Variants in TTC7B observed in about 807,000 individuals in gnomAD.
TTC7B encodes the protein tetratricopeptide repeat domain 7B, also known as tetratricopeptide repeat protein 7B.
A neutral mutation model predicts 106.8 loss-of-function variants in TTC7B; 28 were observed. That is an observed-to-expected ratio of 0.26 (90% CI 0.19 to 0.36). The LOEUF (loss-of-function observed/expected upper bound fraction) is 0.36. Among genes scored for constraint, TTC7B ranks in the 10% least tolerant of loss-of-function variants. The probability of loss-of-function intolerance (pLI) is 1.00; values close to 1 mark genes in which losing one functional copy is unlikely to be tolerated. For missense variants in TTC7B, 862 were observed against 1,076.4 expected (o/e 0.80, Z 2.79); for synonymous variants, 405 against 430.6 (o/e 0.94, Z 0.74).
intron 6 of TTC7B, among the ~76,000 whole-genome samples, chr14:90,690,769 A>T (rs80322302): frequency 0.058 from 8,814 of 152,180 alleles, 293 homozygotes; most frequent in South Asian, 0.12. Flanking sequence ...AGACTTTTTT[A>T]AAAAAATAAG....
intron 5 of TTC7B, chr14:90,699,331 C>G: frequency 2.4e-6 from 1 of 409,920 alleles, no homozygotes; most frequent in Non-Finnish European, 4.8e-6. Flanking sequence ...ATCATTTCAG[C>G]TTGTAATGAG....
intron 5 of TTC7B, among the ~76,000 whole-genome samples, chr14:90,696,021 A>G (rs1887732070): frequency 6.6e-6 from 1 of 152,172 alleles, no homozygotes; most frequent in African/African-American, 2.4e-5. Flanking sequence ...ACAAAAAAAC[A>G]GGAACTCCAC....
chr14:90,678,837 A>C (rs1595273959), intron 8 of TTC7B, among the ~76,000 whole-genome samples: 1 of 152,236 alleles, frequency 6.6e-6, no homozygotes, highest in South Asian at 2.1e-4. Context: ...GGAACACATC[A>C]TCTGACAGTG....
intron 15 of TTC7B, among the ~76,000 whole-genome samples, chr14:90,630,294 C>T (rs758509874): frequency 4.6e-5 from 7 of 152,216 alleles, no homozygotes; most frequent in African/African-American, 9.6e-5. Context: ...CATCCATGCG[C>T]GTGGGGTGCT....
In TTC7B at chr14:90,657,278, A is replaced by C. The variant is rs1244987745; in HGVS notation, c.1237T>G (p.Ser413Ala). The change falls in exon 11 of 20, where the codon TCT becomes GCT. Residue 413 changes from serine to alanine, a missense_variant and splice_region_variant. Physicochemically the swap from Ser to Ala is moderately conservative, Grantham distance 99 (BLOSUM62 1). Coordinates refer to ENST00000328459, the MANE Select transcript of TTC7B (RefSeq NM_001010854.2). This position sits in a 1 kb window ranked among gnomAD's most constrained non-coding sequence, Gnocchi z 4.2. ...TTCAGCACCTTCACGGCACGGGCAG[A>C]CTTGGCAAGAGAAGATTATTTCCGT... is the stretch of plus-strand genomic sequence containing the variant. ...FALSLMAAGK[S>A]ARAVKVLKEC... 4.3e-6 allele frequency: 7 copies of C among 1,613,340 alleles called. No homozygotes were observed. Among genetic ancestry groups the C allele is most frequent in the African/African-American group, 1.3e-5 (1 of 74,954 alleles).
chr14:90,575,719 C>T lies in TTC7B; in HGVS notation c.2310+2387G>A, dbSNP rs962977696. Reference sequence around the variant, plus strand: ...CAAGAAGGCGTGCTCAAGCTACCTTCGGGAGCCACACTGATCAGTCACTGG... The same window carrying T: ...CAAGAAGGCGTGCTCAAGCTACCTTTGGGAGCCACACTGATCAGTCACTGG... On this transcript the variant is annotated intron_variant, in intron 19 of 19. Transcript: ENST00000328459. This position sits in a 1 kb window ranked among gnomAD's most constrained non-coding sequence, Gnocchi z 5.2. Among the ~76,000 whole-genome samples, 3 of 152,184 alleles carry T rather than the reference C, an allele frequency of 2.0e-5. No homozygotes were observed. The highest frequency in any genetic ancestry group is 2.4e-5 in the African/African-American group (1 of 41,438).
In TTC7B at chr14:90,816,188, C is replaced by A; in HGVS notation, c.108G>T (p.Lys36Asn). 1 of 1,259,354 alleles carries A rather than the reference C, an allele frequency of 7.9e-7. No homozygotes were observed. The allele number at this position is 1,259,354 out of a possible 1,614,324, so 78.0% of individuals were successfully genotyped here. ...CCCGGAGCGTACCGTTGGCGATGAG[C>A]TTGGCCGACAGCTGCTTGACGAGCT... is the stretch of plus-strand genomic sequence containing the variant. The part of the protein sequence containing the change: ...IPELVKQLSA[K>N]LIANDDMAEL... The change falls in exon 1 of 20, where the codon AAG (lysine) becomes AAT (asparagine). Residue 36 changes from lysine to asparagine, a missense_variant. Coordinates refer to ENST00000328459, the MANE Select transcript of TTC7B (RefSeq NM_001010854.2).
At chr14:90,654,515 C>T (rs150921538) in intron 12 of TTC7B, among the ~76,000 whole-genome samples, 11 of 152,308 alleles carry the variant, frequency 7.2e-5, no homozygotes, top group African/African-American at 2.6e-4. Context: ...AGCTGCTGCA[C>T]TGCACATGTA....
chr14:90,792,575 T>TCAA (rs369061486), intron 1 of TTC7B, among the ~76,000 whole-genome samples: 3 of 151,886 alleles, frequency 2.0e-5, no homozygotes, highest in Non-Finnish European at 2.9e-5. Flanking sequence ...AGACTCTGTC[T>TCAA]CAACAACAAC....
chr14:90,799,830 TTTTG>T (rs2030137934), intron 1 of TTC7B, among the ~76,000 whole-genome samples: 1 of 152,058 alleles, frequency 6.6e-6, no homozygotes, highest in Admixed American at 6.6e-5. Flanking sequence ...TTTAAGTTTT[TTTTG>T]TTTGTTTTTT....
chr14:90,632,916 A>C lies in TTC7B; in HGVS notation c.1751+11132T>G, dbSNP rs576660561. On this transcript the variant is annotated intron_variant, in intron 15 of 19. Transcript: ENST00000328459. ...CGGGGTATAAACATTAGTGGTTACT[A>C]ATGCTGAAAGAATGACTGATTAAAT... Among the ~76,000 whole-genome samples the C allele has an allele frequency of 2.0e-5, 3 of 152,368 alleles. No individual in the cohort carries two copies. The East Asian group carries it at 5.8e-4, about 29-fold the overall frequency.
Position 90,816,408 on chromosome 14 carries a change from G to A in TTC7B, c.-113C>T, listed in dbSNP as rs1348533222. 2.2e-5 allele frequency: 12 copies of A among 537,732 alleles called. No individual in the cohort carries two copies. The highest frequency in any genetic ancestry group is 2.8e-5 in the Non-Finnish European group (12 of 425,200). 33.3% of individuals were successfully genotyped at this position (537,732 alleles called of 1,614,324 possible). On this transcript the variant is annotated 5_prime_UTR_variant, in exon 1 of 20. Coordinates refer to ENST00000328459, the MANE Select transcript of TTC7B (RefSeq NM_001010854.2). ...GGCTCGGGCTCCGGCTCCCGGCTCC[G>A]CGGCGTAACGGGAGCGCCGGCTGGG...
rs1017271351 is a variant in TTC7B, at chr14:90,533,894, C to T, written c.*7474G>A. On this transcript the variant is annotated 3_prime_UTR_variant, in exon 20 of 20. Coordinates refer to ENST00000328459, the MANE Select transcript of TTC7B (RefSeq NM_001010854.2). ...GCTTGAGTGTCCAGGAGGAGTCCTG[C>T]CTGCTGGCCTGGCCCTGAGGCCCTG... The T allele has an allele frequency of 5.9e-5, 9 of 152,332 alleles. No homozygotes were observed. The highest frequency in any genetic ancestry group is 2.2e-4 in the African/African-American group (9 of 41,422). 9.4% of individuals were successfully genotyped at this position (152,332 alleles called of 1,614,324 possible).
chr14:90,588,865 C>A (rs8012024), intron 18 of TTC7B, among the ~76,000 whole-genome samples: 1 of 134,482 alleles, frequency 7.4e-6, no homozygotes. Flanking sequence ...TTTTAAAAAA[C>A]GGCAAAAGAC....
rs909170430 is a variant in TTC7B, at chr14:90,780,124, G to A, written c.445+614C>T. Among the ~76,000 whole-genome samples, 6 of 152,334 alleles carry A rather than the reference G, an allele frequency of 3.9e-5. No individual in the cohort carries two copies. In the East Asian group the frequency reaches 9.6e-4, roughly 24 times the overall value. On this transcript the variant is annotated intron_variant, in intron 3 of 19. Coordinates refer to ENST00000328459, the MANE Select transcript of TTC7B (RefSeq NM_001010854.2). ...AAGCTGGGCGCGGTGGCTCATGCCT[G>A]TAATCCCAGCACTTTGGGAGGCTGA...
At chr14:90,729,346 T>A (rs910652139) in intron 5 of TTC7B, among the ~76,000 whole-genome samples, 2 of 152,152 alleles carry the variant, frequency 1.3e-5, no homozygotes, top group African/African-American at 4.8e-5. Flanking sequence ...TTCAAAGCAC[T>A]ACTGGACTAC....
In TTC7B at chr14:90,770,012, T is replaced by C. The variant is rs573030976; in HGVS notation, c.445+10726A>G. ...AAAAATAAAAAAATTAGTAGGGGTA[T>C]GATGGTACACATCTGTAGTTCCAGC... On this transcript the variant is annotated intron_variant, in intron 3 of 19. Coordinates refer to ENST00000328459, the MANE Select transcript of TTC7B (RefSeq NM_001010854.2). Among the ~76,000 whole-genome samples, 310 of 152,100 alleles carry C rather than the reference T, an allele frequency of 2.0e-3. 3 individuals are homozygous for C. Among genetic ancestry groups the C allele is most frequent in the Non-Finnish European group, 3.0e-3 (204 of 67,990 alleles).
intron 9 of TTC7B, among the ~76,000 whole-genome samples, chr14:90,666,042 A>G (rs1414571039): frequency 6.6e-6 from 1 of 152,218 alleles, no homozygotes; most frequent in East Asian, 1.9e-4. Flanking sequence ...TTCTTACTTT[A>G]CAGATATCGA....
intron 18 of TTC7B, among the ~76,000 whole-genome samples, chr14:90,590,015 G>A (rs368205403): frequency 6.6e-6 from 1 of 152,158 alleles, no homozygotes; most frequent in Admixed American, 6.5e-5. Context: ...AGGGGGTGGT[G>A]GGGGACAAAG....
Sources: allele counts gnomAD v4.1 joint callset (sites outside exome capture counted in the v4.1 genomes callset), GRCh38; gene constraint gnomAD v4.1.1; non-coding constraint Gnocchi (gnomAD v3.1); transcripts MANE v1.5; gene names NCBI Gene and HGNC (gene_info 2026-07-23, HGNC 2026-07-21).